Variants in PDZRN4 observed in about 807,000 individuals in gnomAD.
PDZRN4 encodes PDZ domain-containing RING finger protein 4.
Under a neutral mutation model 99.0 loss-of-function variants are expected in PDZRN4, and 70 were observed. That is an observed-to-expected ratio of 0.71 (90% confidence interval 0.58 to 0.86). PDZRN4 has a LOEUF of 0.86. PDZRN4 is among the 40% of genes least tolerant of loss of function. The pLI is 0.00. For synonymous variants in PDZRN4, 551 were observed against 501.6 expected, an observed-to-expected ratio of 1.10 and a Z score of -1.32; for missense variants, 1,474 against 1,331.2, an observed-to-expected ratio of 1.11 and a Z score of -1.67.
At chr12:41,307,081 T>C (rs1377509523) in intron 3 of PDZRN4, among the ~76,000 whole-genome samples, 1 of 152,184 alleles carries the variant, frequency 6.6e-6, no homozygotes, top group African/African-American at 2.4e-5. Context: ...AATGAGCCTG[T>C]ATTCATTACC....
chr12:41,253,490 A>G (rs144715087), intron 3 of PDZRN4, among the ~76,000 whole-genome samples: 76 of 152,306 alleles, frequency 5.0e-4, no homozygotes, highest in African/African-American at 1.7e-3. Context: ...ACAGACAATA[A>G]CAGAGCCTGG....
In PDZRN4 at chr12:41,235,676, G is replaced by A. The variant is rs867140551; in HGVS notation, c.843+41488G>A. ...AAAACATCTCAATTTTTAAATGCTG[G>A]TTTGAAAATTTTAAAAACCCTCTAT... On this transcript the variant is annotated intron_variant, in intron 3 of 9. Coordinates refer to ENST00000402685, the MANE Select transcript of PDZRN4 (RefSeq NM_001164595.2). Among the ~76,000 whole-genome samples, 27 of 152,226 alleles carry A rather than the reference G, an allele frequency of 1.8e-4. No individual in the cohort carries two copies. The Middle Eastern group carries it at 0.02, about 115-fold the overall frequency.
At chr12:41,253,016 T>G (rs1951181152) in intron 3 of PDZRN4, among the ~76,000 whole-genome samples, 1 of 152,158 alleles carries the variant, frequency 6.6e-6, no homozygotes, top group African/African-American at 2.4e-5. Flanking sequence ...CAAATGAATA[T>G]GTAGTGAGAT....
chr12:41,355,110 TAAGTG>T (rs1360041214), intron 3 of PDZRN4, among the ~76,000 whole-genome samples: 3 of 152,002 alleles, frequency 2.0e-5, no homozygotes, highest in Non-Finnish European at 2.9e-5. Context: ...TCTTATCTCT[TAAGTG>T]AAGAGATCGC....
chr12:41,194,047 C>A, intron 2 of PDZRN4, 34 bp from the exon 3 acceptor site: 1 of 986,290 alleles, frequency 1.0e-6, no homozygotes, highest in Non-Finnish European at 1.6e-6. Context: ...ATTTTGCTTA[C>A]ATCTTTCTTC....
chr12:41,540,970 C>G (rs1938842577), intron 5 of PDZRN4, among the ~76,000 whole-genome samples: 1 of 151,754 alleles, frequency 6.6e-6, no homozygotes, highest in African/African-American at 2.4e-5. Context: ...TGTCACCCAG[C>G]CTGGAGTGCA....
chr12:41,564,878 T>C (rs1039482816), intron 8 of PDZRN4, among the ~76,000 whole-genome samples: 19 of 152,138 alleles, frequency 1.2e-4, no homozygotes, highest in African/African-American at 4.1e-4. Flanking sequence ...TAAATGCATA[T>C]TAGTGAAATT....
intron 3 of PDZRN4, among the ~76,000 whole-genome samples, chr12:41,250,007 A>C (rs753225145): frequency 2.6e-5 from 4 of 152,156 alleles, no homozygotes; most frequent in Non-Finnish European, 4.4e-5. Context: ...AATTAAGGGG[A>C]CAATTCTTTT....
chr12:41,357,788 G>A (rs908371818), intron 3 of PDZRN4, among the ~76,000 whole-genome samples: 22 of 151,994 alleles, frequency 1.4e-4, no homozygotes, highest in Non-Finnish European at 2.9e-4. Flanking sequence ...CAGCCATGCA[G>A]CCACTAAAAT....
At chr12:41,424,676 T>A (rs553630589) in intron 3 of PDZRN4, among the ~76,000 whole-genome samples, 1 of 152,158 alleles carries the variant, frequency 6.6e-6, no homozygotes, top group African/African-American at 2.4e-5. Context: ...TACTTAGTAG[T>A]TTCATGAAGA....
chr12:41,346,825 T>C (rs949999760), intron 3 of PDZRN4, among the ~76,000 whole-genome samples: 1 of 152,182 alleles, frequency 6.6e-6, no homozygotes, highest in Non-Finnish European at 1.5e-5. Flanking sequence ...TCCATTCCTC[T>C]AACCTCTCAC....
Position 41,572,539 on chromosome 12 carries a change from A to C in PDZRN4, c.1760A>C (p.Asp587Ala). Residue 587 changes from aspartate (D) to alanine (A), a missense_variant, in exon 10 of 10, where the codon GAC becomes GCC. Coordinates refer to ENST00000402685, the MANE Select transcript of PDZRN4 (RefSeq NM_001164595.2). ...AGCACATCTTTGAAGAGCAAGAGAG[A>C]CCTGGGGCAGAGCCAAGACACTCTG... ...PNSTSLKSKR[D>A]LGQSQDTLGS... The C allele has an allele frequency of 1.2e-6, 2 of 1,614,134 alleles. No homozygotes were observed. The highest frequency in any genetic ancestry group is 1.7e-6 in the Non-Finnish European group (2 of 1,180,014).
intron 3 of PDZRN4, among the ~76,000 whole-genome samples, chr12:41,195,903 T>C (rs117256798): frequency 0.024 from 3,615 of 152,236 alleles, 70 homozygotes; most frequent in Middle Eastern, 0.092. Flanking sequence ...TTTGATATTA[T>C]TAGAAGAACT....
intron 3 of PDZRN4, among the ~76,000 whole-genome samples, chr12:41,339,066 A>G (rs1263758904): frequency 6.6e-6 from 1 of 151,998 alleles, no homozygotes; most frequent in East Asian, 1.9e-4. Context: ...AAATAGAAAA[A>G]AATTTCCTAA....
At chr12:41,250,245 T>A (rs192348895) in intron 3 of PDZRN4, among the ~76,000 whole-genome samples, 1 of 152,176 alleles carries the variant, frequency 6.6e-6, no homozygotes, top group Non-Finnish European at 1.5e-5. Flanking sequence ...CAACTAATTT[T>A]CAGAAAAAGT....
chr12:41,344,109 C>G (rs2121021037), intron 3 of PDZRN4, among the ~76,000 whole-genome samples: 1 of 152,194 alleles, frequency 6.6e-6, no homozygotes, highest in Non-Finnish European at 1.5e-5. Context: ...GAGTTAGAAT[C>G]TATACTGGTG....
At chr12:41,540,279 A>G (rs57639356) in intron 5 of PDZRN4, among the ~76,000 whole-genome samples, 27,304 of 152,148 alleles carry the variant, frequency 0.18, 2,803 homozygotes, top group African/African-American at 0.26. Flanking sequence ...TAATCTTGTA[A>G]ATCAAATTTC....
chr12:41,557,148 C>CAAA (rs112787721), intron 7 of PDZRN4, among the ~76,000 whole-genome samples: 1,751 of 57,656 alleles, frequency 0.03, 65 homozygotes, highest in African/African-American at 0.042. Context: ...GAGACACTCT[C>CAAA]AAAAAAAAAA....
At chr12:41,405,551 G>A (rs1952340594) in intron 3 of PDZRN4, among the ~76,000 whole-genome samples, 1 of 152,128 alleles carries the variant, frequency 6.6e-6, no homozygotes. Context: ...ATTTCTCAAA[G>A]AACTGAAAAC....
Sources: gnomAD v4.1 joint callset for allele counts (sites outside exome capture counted in the v4.1 genomes callset) on GRCh38, gnomAD v4.1.1 for gene constraint, MANE v1.5 for transcripts, NCBI Gene and HGNC (gene_info 2026-07-23, HGNC 2026-07-21) for gene names.